DCAF6: variants seen among roughly 807,000 people sequenced by gnomAD.
The protein encoded by DCAF6 is DDB1 and CUL4 associated factor 6.
DCAF6 carries 54 observed loss-of-function variants against 125.1 expected under a neutral mutation model. The observed-to-expected ratio is 0.43, with a 90% confidence interval of 0.35 to 0.54. DCAF6 has a LOEUF of 0.54. Ranked by LOEUF, DCAF6 falls within the 20% of genes least tolerant of loss-of-function variation. The pLI, the probability that DCAF6 is intolerant of heterozygous loss-of-function variation, is 0.01. For synonymous variants in DCAF6, 371 were observed against 390.4 expected, an observed-to-expected ratio of 0.95 and a Z score of 0.58; for missense variants, 934 against 1,161.7, an observed-to-expected ratio of 0.80 and a Z score of 2.85.
chr1:167,896,722 T>C, the DCAF6 span: 5 of 1,429,158 alleles, frequency 3.5e-6, no homozygotes, highest in Non-Finnish European at 4.9e-6. Flanking sequence ...AGTTTTCAGT[T>C]ATTCTGAGAA....
intron 7 of DCAF6, among the ~76,000 whole-genome samples, chr1:167,996,536 A>T (rs1420950168): frequency 2.0e-5 from 3 of 152,112 alleles, no homozygotes; most frequent in Admixed American, 6.6e-5. Context: ...TTCACTTCCT[A>T]CAGCCCTATA....
intron 2 of DCAF6, among the ~76,000 whole-genome samples, chr1:167,958,648 C>T (rs920989453): frequency 6.6e-6 from 1 of 152,118 alleles, no homozygotes; most frequent in African/African-American, 2.4e-5. Flanking sequence ...AACTTAATGG[C>T]TCAGACATTT....
In DCAF6 at chr1:167,950,914, A is replaced by G. The variant is rs1190615578; in HGVS notation, c.98-886A>G. On this transcript the variant is annotated intron_variant, in intron 1 of 21. Transcript: ENST00000367840. ...ATGCTGATTTTTAATGCCATATTTCATCATTGTAATGTTAACTTTAACGTT... is the reference window on the plus strand; with the variant it reads ...ATGCTGATTTTTAATGCCATATTTCGTCATTGTAATGTTAACTTTAACGTT... Among the ~76,000 whole-genome samples, 3 of 152,194 alleles carry G rather than the reference A, an allele frequency of 2.0e-5. No individual in the cohort carries two copies. In the East Asian group the frequency reaches 5.8e-4, roughly 29 times the overall value.
At chr1:167,988,580 T>C (rs1485181585) in intron 5 of DCAF6, among the ~76,000 whole-genome samples, 1 of 152,166 alleles carries the variant, frequency 6.6e-6, no homozygotes, top group East Asian at 1.9e-4. Context: ...CACAGTAGTT[T>C]TTCCTTGGAT....
intron 7 of DCAF6, among the ~76,000 whole-genome samples, chr1:167,994,398 A>C (rs1449173678): frequency 1.3e-5 from 2 of 152,164 alleles, no homozygotes; most frequent in African/African-American, 2.4e-5. Flanking sequence ...TCCATGGATC[A>C]ATAGAAGTTT....
At chr1:167,937,064 G>C in intron 1 of DCAF6, 56 bp downstream of exon 1, 1 of 1,458,526 alleles carries the variant, frequency 6.9e-7, no homozygotes, top group Non-Finnish European at 9.5e-7. Context: ...GTGGGGGAGG[G>C]GGCACGCTGC....
chr1:168,059,328 A>G (rs181009358), intron 17 of DCAF6, among the ~76,000 whole-genome samples: 1 of 152,338 alleles, frequency 6.6e-6, no homozygotes, highest in East Asian at 1.9e-4. Flanking sequence ...AAAGATTTAT[A>G]TAAAACAGAT....
chr1:167,918,836 G>T, the DCAF6 span, among the ~76,000 whole-genome samples: 2 of 152,020 alleles, frequency 1.3e-5, no homozygotes, highest in Non-Finnish European at 2.9e-5. Flanking sequence ...CTTGTGGTCT[G>T]CCTGCCTCGG....
intron 12 of DCAF6, among the ~76,000 whole-genome samples, chr1:168,027,975 T>C (rs2103280809): frequency 6.6e-6 from 1 of 152,250 alleles, no homozygotes; most frequent in Admixed American, 6.5e-5. Flanking sequence ...ATTAATTGTA[T>C]CCTATTATAA....
At chr1:168,058,339 A>G (rs1691158088) in intron 17 of DCAF6, among the ~76,000 whole-genome samples, 1 of 152,228 alleles carries the variant, frequency 6.6e-6, no homozygotes, top group African/African-American at 2.4e-5. Context: ...TGGACCATTT[A>G]CAAAATAATT....
At position 168,045,188 on chromosome 1, in the gene DCAF6, T is replaced by C; in HGVS notation, c.2219T>C (p.Leu740Pro). 6.2e-7 allele frequency: 1 copy of C among 1,613,366 alleles called. No homozygotes were observed. Among genetic ancestry groups the C allele is most frequent in the Non-Finnish European group, 8.5e-7 (1 of 1,179,708 alleles). The change falls in exon 16 of 22, where the codon CTG (leucine) becomes CCG (proline). Residue 740 changes from leucine (L) to proline (P), a missense_variant. Around this residue, in one of 5 missense-constraint regions of DCAF6, gnomAD observed 559 missense variants for 635.5 expected, o/e 0.88. Coordinates refer to ENST00000367840, the MANE Select transcript of DCAF6 (RefSeq NM_001198956.2). ...DTDDSDDDPV[L>P]IPGARYRAGP... ...GATGACAGTGATGATGACCCAGTCCTGATCCCAGGTGCAAGGTATCGAGCA... is the reference window on the plus strand; with the variant it reads ...GATGACAGTGATGATGACCCAGTCCCGATCCCAGGTGCAAGGTATCGAGCA...
chr1:168,065,574 T>G lies in DCAF6; in HGVS notation c.2440-16T>G, dbSNP rs1558051778. 6.6e-7 allele frequency: 1 copy of G among 1,505,492 alleles called. No homozygotes were observed. Among genetic ancestry groups the G allele is most frequent in the Non-Finnish European group, 9.0e-7 (1 of 1,116,874 alleles). 93.3% of individuals were successfully genotyped at this position (1,505,492 alleles called of 1,614,324 possible). ...ACTTTGATTTGAATTTTTAAATAAT[T>G]TTTTTTAACCCTTAGATAAAAGAAG... On this transcript the variant is annotated splice_polypyrimidine_tract_variant and intron_variant, in intron 18 of 21. Transcript: ENST00000367840.
At chr1:167,928,115 G>A in the DCAF6 span, among the ~76,000 whole-genome samples, 1 of 152,088 alleles carries the variant, frequency 6.6e-6, no homozygotes, top group African/African-American at 2.4e-5. Context: ...TTGTGAGGCC[G>A]AGATGGGCGG....
chr1:167,900,052 A>T, the DCAF6 span, among the ~76,000 whole-genome samples: 1 of 152,206 alleles, frequency 6.6e-6, no homozygotes. Flanking sequence ...GGGTGGGGGA[A>T]AGGAAGTATG....
At chr1:167,975,094 G>A (rs1677941930) in intron 4 of DCAF6, 79 bp downstream of exon 4, 2 of 851,858 alleles carry the variant, frequency 2.3e-6, no homozygotes, top group African/African-American at 1.8e-5. Flanking sequence ...GTAGATGCAT[G>A]TGTGTACATG....
chr1:167,908,363 T>C, the DCAF6 span, among the ~76,000 whole-genome samples: 9 of 152,074 alleles, frequency 5.9e-5, no homozygotes, highest in East Asian at 1.3e-3. Flanking sequence ...GTCAAAATCA[T>C]AGAAGCAGAG....
intron 4 of DCAF6, among the ~76,000 whole-genome samples, chr1:167,985,055 C>T (rs1679749958): frequency 6.6e-6 from 1 of 152,130 alleles, no homozygotes; most frequent in Admixed American, 6.5e-5. Flanking sequence ...TCTCATGAGA[C>T]TTATGCACCA....
At chr1:167,975,316 T>C (rs1571751448) in intron 4 of DCAF6, among the ~76,000 whole-genome samples, 1 of 152,228 alleles carries the variant, frequency 6.6e-6, no homozygotes, top group African/African-American at 2.4e-5. Flanking sequence ...CCTCTGTTAT[T>C]GTGCTGCATG....
chr1:167,878,492 C>A, the DCAF6 span: 1 of 1,614,192 alleles, frequency 6.2e-7, no homozygotes, highest in Middle Eastern at 1.7e-4. Flanking sequence ...CCAGAATCTG[C>A]AACACCTTTC....
Sources: allele counts gnomAD v4.1 joint callset (sites outside exome capture counted in the v4.1 genomes callset), GRCh38; gene constraint gnomAD v4.1.1; regional missense constraint gnomAD v4.1.1; transcripts MANE v1.5; gene names NCBI Gene and HGNC (gene_info 2026-07-23, HGNC 2026-07-21).